RGPD2: variants seen among roughly 807,000 people sequenced by gnomAD.
RGPD2 encodes the protein RANBP2-like and GRIP domain-containing protein 2.
A neutral mutation model predicts 36.0 loss-of-function variants in RGPD2; 2 were observed. That is an observed-to-expected ratio of 0.06 (90% CI 0.02 to 0.17). The LOEUF is 0.17. Ranked by LOEUF, RGPD2 falls within the 10% of genes least tolerant of loss-of-function variation. The pLI is 1.00. For synonymous variants in RGPD2, 19 were observed against 163.8 expected (o/e 0.12, Z 6.75); for missense variants, 40 against 464.3 (o/e 0.09, Z 8.40).
At chr2:87,834,922 G>A in the RGPD2 span, among the ~76,000 whole-genome samples, 2 of 149,004 alleles carry the variant, frequency 1.3e-5, no homozygotes, top group Non-Finnish European at 3.0e-5. Flanking sequence ...GCAAATTGAA[G>A]ACTCAATATA....
chr2:87,983,330 AGAAAG>A, the RGPD2 span, among the ~76,000 whole-genome samples: 1 of 151,012 alleles, frequency 6.6e-6, no homozygotes, highest in East Asian at 2.0e-4. Context: ...AAAAAAGGAA[AGAAAG>A]GAAAAGAAAA....
At chr2:87,769,877 A>G (rs1368045531) in intron 22 of RGPD2, among the ~76,000 whole-genome samples, 1 of 152,158 alleles carries the variant, frequency 6.6e-6, no homozygotes. Flanking sequence ...AGAATAAATT[A>G]AAGACAGTGA....
chr2:87,876,110 T>C, the RGPD2 span, among the ~76,000 whole-genome samples: 3 of 151,832 alleles, frequency 2.0e-5, no homozygotes, highest in Non-Finnish European at 2.9e-5. Flanking sequence ...TTCTTCTGTA[T>C]TAATCTAGCT....
chr2:87,874,857 G>T, the RGPD2 span, among the ~76,000 whole-genome samples: 33 of 150,124 alleles, frequency 2.2e-4, no homozygotes, highest in East Asian at 4.2e-3. Context: ...TCTATCTATG[G>T]GCATGAAATA....
the RGPD2 span, among the ~76,000 whole-genome samples, chr2:87,957,129 G>A: frequency 6.6e-6 from 1 of 151,580 alleles, no homozygotes; most frequent in African/African-American, 2.4e-5. Context: ...TGTTACTGTG[G>A]ACTGAATTTA....
intron 21 of RGPD2, among the ~76,000 whole-genome samples, chr2:87,772,942 G>T (rs971563381): frequency 4.7e-5 from 6 of 126,798 alleles, no homozygotes; most frequent in African/African-American, 1.8e-4. Context: ...TCTCCATGAG[G>T]AGCAACTAAC....
chr2:87,983,193 G>A, the RGPD2 span, among the ~76,000 whole-genome samples: 1 of 152,138 alleles, frequency 6.6e-6, no homozygotes, highest in African/African-American at 2.4e-5. Context: ...GGAAGTGCAT[G>A]CCTGTAATCC....
the RGPD2 span, among the ~76,000 whole-genome samples, chr2:87,911,512 A>G: frequency 6.6e-6 from 1 of 152,090 alleles, no homozygotes; most frequent in African/African-American, 2.4e-5. Flanking sequence ...GATGGAATGT[A>G]TAATTTCTTT....
the RGPD2 span, among the ~76,000 whole-genome samples, chr2:87,978,807 C>T: frequency 2.2e-5 from 3 of 136,850 alleles, 1 homozygote; most frequent in Non-Finnish European, 4.8e-5. Flanking sequence ...TAATCCTAGC[C>T]ACTTGGAGGC....
chr2:87,957,978 T>C, the RGPD2 span, among the ~76,000 whole-genome samples: 1 of 152,300 alleles, frequency 6.6e-6, no homozygotes, highest in East Asian at 1.9e-4. Context: ...TTTATACTTG[T>C]ATATCAGCTC....
the RGPD2 span, among the ~76,000 whole-genome samples, chr2:87,957,093 A>T: frequency 2.3e-3 from 347 of 151,984 alleles, 1 homozygote; most frequent in African/African-American, 8.2e-3. Flanking sequence ...TTTGCAACAG[A>T]GTGTGGAAAA....
the RGPD2 span, among the ~76,000 whole-genome samples, chr2:87,952,028 T>G: frequency 6.6e-6 from 1 of 152,268 alleles, no homozygotes; most frequent in Non-Finnish European, 1.5e-5. Context: ...CCTGTTGAGT[T>G]GTATGCTCAC....
chr2:87,773,303 A>T (rs1256009795), intron 21 of RGPD2, among the ~76,000 whole-genome samples: 1 of 149,560 alleles, frequency 6.7e-6, no homozygotes, highest in Non-Finnish European at 1.5e-5. Context: ...ATTTTAGGTT[A>T]GGCAAGAAAG....
chr2:87,858,181 G>C, the RGPD2 span, among the ~76,000 whole-genome samples: 2 of 152,060 alleles, frequency 1.3e-5, no homozygotes, highest in Non-Finnish European at 2.9e-5. Context: ...GGGAGGCTGA[G>C]GCAGGAGAAT....
At chr2:87,846,204 AT>A in the RGPD2 span, among the ~76,000 whole-genome samples, 1 of 151,770 alleles carries the variant, frequency 6.6e-6, no homozygotes, top group Admixed American at 6.6e-5. Context: ...ATACCATACA[AT>A]TCACTTATTT....
chr2:87,857,293 G>A, the RGPD2 span, among the ~76,000 whole-genome samples: 1 of 151,984 alleles, frequency 6.6e-6, no homozygotes. Flanking sequence ...AATAAGTAAT[G>A]TTTAATTTAA....
At chr2:87,831,545 T>TA in the RGPD2 span, among the ~76,000 whole-genome samples, 920 of 151,258 alleles carry the variant, frequency 6.1e-3, 2 homozygotes, top group Admixed American at 0.014. Context: ...AAACATATCT[T>TA]AAAAAAATAG....
the RGPD2 span, among the ~76,000 whole-genome samples, chr2:87,960,264 G>T: frequency 7.0e-6 from 1 of 142,566 alleles, no homozygotes; most frequent in South Asian, 2.3e-4. Flanking sequence ...AAGATATACA[G>T]ATGTACCGTA....
At chr2:87,961,595 G>A in the RGPD2 span, among the ~76,000 whole-genome samples, 9 of 149,262 alleles carry the variant, frequency 6.0e-5, no homozygotes, top group East Asian at 2.0e-4. Context: ...CCAGCTACTC[G>A]GGAGGCTGAG....
Sources: allele counts gnomAD v4.1 joint callset (sites outside exome capture counted in the v4.1 genomes callset), GRCh38; gene constraint gnomAD v4.1.1; transcripts MANE v1.5; gene names NCBI Gene and HGNC (gene_info 2026-07-23, HGNC 2026-07-21).